Variants in AFDN observed in about 807,000 individuals in gnomAD.
The protein encoded by AFDN is afadin, adherens junction formation factor, also known as afadin.
AFDN carries 68 observed loss-of-function variants against 216.6 expected under a neutral mutation model. The ratio of observed to expected loss-of-function variants is 0.31; its 90% confidence interval spans 0.26 to 0.38. The LOEUF is 0.38. Among genes scored for constraint, AFDN ranks in the 10% least tolerant of loss-of-function variants. The pLI, the probability that AFDN is intolerant of heterozygous loss-of-function variation, is 1.00. For synonymous variants in AFDN, 868 were observed against 853.7 expected (o/e 1.02, Z -0.29); for missense variants, 2,136 against 2,342.0 (o/e 0.91, Z 1.82).
intron 33 of AFDN, 22 bp downstream of exon 33, chr6:167,969,220 G>A (rs745470514): frequency 1.1e-5 from 17 of 1,587,346 alleles, no homozygotes; most frequent in African/African-American, 2.7e-5. Flanking sequence ...TGCACTAGAC[G>A]AGGAACTTCA....
intron 21 of AFDN, among the ~76,000 whole-genome samples, chr6:167,921,337 G>A (rs976404791): frequency 6.6e-6 from 1 of 152,124 alleles, no homozygotes; most frequent in African/African-American, 2.4e-5. Flanking sequence ...TTCCGTGGCC[G>A]AGGCATCACC....
intron 30 of AFDN, 141 bp downstream of exon 30, chr6:167,952,328 T>A: frequency 6.6e-7 from 1 of 1,517,466 alleles, no homozygotes; most frequent in Non-Finnish European, 8.8e-7. Flanking sequence ...TTGTATGTGT[T>A]ACTCTTGGCT....
chr6:167,912,820 T>TA, intron 15 of AFDN, among the ~76,000 whole-genome samples: 1 of 152,188 alleles, frequency 6.6e-6, no homozygotes, highest in Non-Finnish European at 1.5e-5. Context: ...GGGGGAATCT[T>TA]AAAGTAGTGG....
rs150601260 is a variant in AFDN, at chr6:167,914,707, T to C, written c.2268T>C (p.Pro756=). The C allele has an allele frequency of 5.6e-5, 91 of 1,613,458 alleles. No homozygotes were observed. Among genetic ancestry groups the C allele is most frequent in the Admixed American group, 1.2e-4 (7 of 59,992 alleles). ...ACATGCCAGCCTTTCTAGATGACCC[T>C]GAAGAGAACAGTCTGCAACGACCAA... ...NNYMPAFLDD[P]EENSLQRPKI... Residue 756 remains proline (P), a synonymous_variant, in exon 18 of 34, where the codon CCT becomes CCC. Coordinates refer to ENST00000683244, the MANE Select transcript of AFDN (RefSeq NM_001386888.1).
At position 167,914,152 on chromosome 6, in the gene AFDN, TG is replaced by T; in HGVS notation, c.2059-15del. 1 of 1,612,306 alleles carries T rather than the reference TG, an allele frequency of 6.2e-7. No homozygotes were observed. The highest frequency in any genetic ancestry group is 8.5e-7 in the Non-Finnish European group (1 of 1,179,394). On this transcript the variant is annotated splice_polypyrimidine_tract_variant and intron_variant, in intron 16 of 33. Coordinates refer to ENST00000683244, the MANE Select transcript of AFDN (RefSeq NM_001386888.1). ...GTTTATTCTCTGTTGCTTATGGAAGTGTGTTCTGTCTACAGAAACAGAAGAA... is the reference window on the plus strand; with the variant it reads ...GTTTATTCTCTGTTGCTTATGGAAGTTGTTCTGTCTACAGAAACAGAAGAA...
chr6:167,858,184 C>T (rs1783117466), intron 1 of AFDN, among the ~76,000 whole-genome samples: 1 of 152,118 alleles, frequency 6.6e-6, no homozygotes. Context: ...TGAAGTCCAG[C>T]AGCAGAGCAC....
chr6:167,944,201 A>C, intron 26 of AFDN, 142 bp downstream of exon 26: 1 of 590,888 alleles, frequency 1.7e-6, no homozygotes, highest in Non-Finnish European at 2.9e-6. Context: ...GCTTCAGCAT[A>C]GTGCCTGGGA....
rs1787254447 is a variant in AFDN, at chr6:167,889,209, T to C, written c.898-6T>C. 6.2e-7 allele frequency: 1 copy of C among 1,609,664 alleles called. No homozygotes were observed. The highest frequency in any genetic ancestry group is 8.5e-7 in the Non-Finnish European group (1 of 1,177,172). ...CATTCATAGTTAATTATTTTTGTTTTTTTAGGTTATGCTTCCTCCTGGAGC... is the reference window on the plus strand; with the variant it reads ...CATTCATAGTTAATTATTTTTGTTTCTTTAGGTTATGCTTCCTCCTGGAGC... On this transcript the variant is annotated splice_polypyrimidine_tract_variant and splice_region_variant and intron_variant, in intron 6 of 33. Transcript: ENST00000683244.
At chr6:167,964,533 T>C (rs556139984) in intron 31 of AFDN, 2 of 1,065,874 alleles carry the variant, frequency 1.9e-6, no homozygotes, top group East Asian at 9.9e-5. Flanking sequence ...AAAATTGGGC[T>C]CAGGGCAGTA....
rs1410492430 is a variant in AFDN at position 167,948,346 on chromosome 6, C to T, written c.3699C>T (p.Tyr1233=). 5 of 1,614,022 alleles carry T rather than the reference C, an allele frequency of 3.1e-6. No homozygotes were observed. In the Admixed American group the frequency reaches 6.7e-5, roughly 22 times the overall value. Residue 1233 remains tyrosine (Y), a synonymous_variant, in exon 29 of 34, where the codon TAC becomes TAT. Transcript: ENST00000683244. ...PEAYPIPTQT[Y]TREYFTFPAS... ...CCTACCCCATCCCCACTCAGACGTACACCAGAGAGTATTTTACCTTCCCAG... is the reference window on the plus strand; with the variant it reads ...CCTACCCCATCCCCACTCAGACGTATACCAGAGAGTATTTTACCTTCCCAG...
At chr6:167,898,495 A>G (rs1046114264) in intron 11 of AFDN, 28 bp downstream of exon 11, 4 of 1,599,744 alleles carry the variant, frequency 2.5e-6, no homozygotes, top group Admixed American at 3.4e-5. Flanking sequence ...AAGATTTAAA[A>G]TGTTTTGATT....
intron 1 of AFDN, among the ~76,000 whole-genome samples, chr6:167,848,625 AT>A (rs1360707393): frequency 6.6e-6 from 1 of 152,144 alleles, no homozygotes; most frequent in African/African-American, 2.4e-5. Context: ...TTAGATTCAG[AT>A]TTTTTAGGTC....
chr6:167,879,616 A>G (rs3800520), intron 5 of AFDN, among the ~76,000 whole-genome samples: 46,203 of 152,138 alleles, frequency 0.3, 8,066 homozygotes, highest in East Asian at 0.6. Flanking sequence ...AGGTTATGAC[A>G]CCAAAAGTGA....
chr6:167,849,901 A>G (rs1035699246), intron 1 of AFDN, among the ~76,000 whole-genome samples: 2 of 152,170 alleles, frequency 1.3e-5, no homozygotes, highest in Admixed American at 1.3e-4. Context: ...GTAAGTTACT[A>G]CTGATAAGAA....
chr6:167,894,464 C>T (rs138246832), intron 9 of AFDN, among the ~76,000 whole-genome samples: 1,572 of 152,226 alleles, frequency 0.01, 29 homozygotes, highest in African/African-American at 0.036. Context: ...TTTTTGGCAA[C>T]GGTTTTATAT....
intron 6 of AFDN, among the ~76,000 whole-genome samples, chr6:167,886,177 G>C (rs980071312): frequency 2.0e-5 from 3 of 151,836 alleles, no homozygotes; most frequent in African/African-American, 7.3e-5. Context: ...AAGAAATACA[G>C]CAAAGCTCAT....
chr6:167,856,011 G>A (rs2128197043), intron 1 of AFDN, among the ~76,000 whole-genome samples: 1 of 152,266 alleles, frequency 6.6e-6, no homozygotes, highest in South Asian at 2.1e-4. Context: ...TTGCATGACA[G>A]TTTAAATAGT....
chr6:167,859,760 T>C (rs1383047272), intron 1 of AFDN, among the ~76,000 whole-genome samples: 1 of 146,326 alleles, frequency 6.8e-6, no homozygotes, highest in East Asian at 2.2e-4. Flanking sequence ...TTTCACAATG[T>C]AGCTTGGTTT....
Position 167,911,556 on chromosome 6 carries a change from C to T in AFDN, c.2037+67C>T, listed in dbSNP as rs1053133522. 4 of 1,434,740 alleles carry T rather than the reference C, an allele frequency of 2.8e-6. No individual in the cohort carries two copies. The African/African-American group carries it at 4.2e-5, about 15-fold the overall frequency. The allele number at this position is 1,434,740 out of a possible 1,614,324, so 88.9% of individuals were successfully genotyped here. A position where few individuals can be genotyped will look rare whatever the true frequency, so the allele number is the denominator to read the frequency against. ...GTTGTAATTGCTAAGCCAGTGAATTCAGCTTCTTTAAGGCTTCTCATTTGG... is the reference window on the plus strand; with the variant it reads ...GTTGTAATTGCTAAGCCAGTGAATTTAGCTTCTTTAAGGCTTCTCATTTGG... On this transcript the variant is annotated intron_variant, in intron 15 of 33. Transcript: ENST00000683244.
Sources: gnomAD v4.1 joint callset for allele counts (sites outside exome capture counted in the v4.1 genomes callset) on GRCh38, gnomAD v4.1.1 for gene constraint, MANE v1.5 for transcripts, NCBI Gene and HGNC (gene_info 2026-07-23, HGNC 2026-07-21) for gene names.